SOCS5: variants seen among roughly 807,000 people sequenced by gnomAD.
The protein encoded by SOCS5 is suppressor of cytokine signaling 5.
SOCS5 carries 32 observed loss-of-function variants against 42.8 expected under a neutral mutation model. That is an observed-to-expected ratio of 0.75 (90% CI 0.56 to 1.01). The LOEUF (loss-of-function observed/expected upper bound fraction) is 1.01, where lower values mean the gene tolerates loss of function less well. SOCS5 is among the 50% of genes least tolerant of loss of function. SOCS5 has a pLI of 0.00. For missense variants in SOCS5, 627 were observed against 653.0 expected, an observed-to-expected ratio of 0.96 and a Z score of 0.43; for synonymous variants, 283 against 229.6, an observed-to-expected ratio of 1.23 and a Z score of -2.10.
intron 1 of SOCS5, among the ~76,000 whole-genome samples, chr2:46,737,564 T>G (rs1399847669): frequency 1.3e-5 from 2 of 152,204 alleles, no homozygotes; most frequent in African/African-American, 4.8e-5. Flanking sequence ...AATTCTGATT[T>G]GGGGTCTGTA....
chr2:46,719,488 A>G (rs915633823), intron 1 of SOCS5, among the ~76,000 whole-genome samples: 10 of 152,160 alleles, frequency 6.6e-5, no homozygotes, highest in African/African-American at 2.2e-4. Flanking sequence ...CTGGTTTTAA[A>G]GAAGTTTTGA....
chr2:46,699,018 C>G (rs1321622193), upstream of SOCS5: 1 of 152,550 alleles, frequency 6.6e-6, no homozygotes, highest in African/African-American at 2.4e-5. The surrounding 1 kb of genome is among the most constrained non-coding windows in gnomAD (Gnocchi z 4.8). Flanking sequence ...CCCCGTCTCG[C>G]GCCCTGCCTC....
intron 1 of SOCS5, among the ~76,000 whole-genome samples, chr2:46,740,600 GGAA>G (rs1385137181): frequency 1.3e-5 from 2 of 152,166 alleles, no homozygotes; most frequent in Non-Finnish European, 1.5e-5. Flanking sequence ...GCACCTGTGA[GGAA>G]GAAGAAGAAT....
rs1194088064 is a variant in SOCS5 at position 46,760,082 on chromosome 2, C to G, written c.1552C>G (p.His518Asp). 4 of 1,613,802 alleles carry G rather than the reference C, an allele frequency of 2.5e-6. No individual in the cohort carries two copies. The highest frequency in any genetic ancestry group is 3.4e-6 in the Non-Finnish European group (4 of 1,179,856). The change falls in exon 2 of 2, where the codon CAT (histidine) becomes GAT (aspartate). Residue 518 changes from histidine to aspartate, a missense_variant. Transcript: ENST00000394861. ...GTTACAGGATTTTTTAAAAGAGTAT[C>G]ATTATAAACAAAAAGTTAGAGTTCG... ...SMLQDFLKEY[H>D]YKQKVRVRWL...
At chr2:46,742,968 T>C (rs1412181993) in intron 1 of SOCS5, among the ~76,000 whole-genome samples, 2 of 152,226 alleles carry the variant, frequency 1.3e-5, no homozygotes, top group Middle Eastern at 3.4e-3. Flanking sequence ...CTGGCCTGTT[T>C]ACTACTTTTT....
chr2:46,706,923 G>A (rs941510619), intron 1 of SOCS5, among the ~76,000 whole-genome samples: 1 of 152,200 alleles, frequency 6.6e-6, no homozygotes, highest in Non-Finnish European at 1.5e-5. Flanking sequence ...ACCAACGGCA[G>A]CATTTGATTT....
chr2:46,714,608 A>T (rs1342107117), intron 1 of SOCS5, among the ~76,000 whole-genome samples: 1 of 152,154 alleles, frequency 6.6e-6, no homozygotes, highest in African/African-American at 2.4e-5. Flanking sequence ...TGATGTGTTT[A>T]GATCAGGGTT....
At chr2:46,703,729 A>AT (rs1307808957) in intron 1 of SOCS5, among the ~76,000 whole-genome samples, 20 of 152,306 alleles carry the variant, frequency 1.3e-4, no homozygotes, top group African/African-American at 4.6e-4. Context: ...GACTGTACAA[A>AT]TTACTTTCTT....
At chr2:46,721,461 A>G (rs191262585) in intron 1 of SOCS5, among the ~76,000 whole-genome samples, 1 of 152,232 alleles carries the variant, frequency 6.6e-6, no homozygotes, top group African/African-American at 2.4e-5. Context: ...ACATTTTAGC[A>G]TAATGGAAAA....
rs1430806742 is a variant in SOCS5 at position 46,761,605 on chromosome 2, TCTC to T, written c.*1467_*1469del. Reference sequence around the variant, plus strand: ...TGTGCTAATAAAGTATGTTTGGTGTTCTCCTTGTATATCTGCTGTTTTATACAT... The same window carrying T: ...TGTGCTAATAAAGTATGTTTGGTGTTCTTGTATATCTGCTGTTTTATACAT... On this transcript the variant is annotated 3_prime_UTR_variant, in exon 2 of 2. Transcript: ENST00000394861. The T allele has an allele frequency of 6.0e-6, 1 of 167,018 alleles. No homozygotes were observed. Among genetic ancestry groups the T allele is most frequent in the Non-Finnish European group, 1.5e-5 (1 of 68,100 alleles). 10.3% of individuals were successfully genotyped at this position (167,018 alleles called of 1,614,324 possible).
intron 1 of SOCS5, among the ~76,000 whole-genome samples, chr2:46,721,464 A>G (rs1672883270): frequency 6.6e-6 from 1 of 152,224 alleles, no homozygotes; most frequent in East Asian, 1.9e-4. Context: ...TTTTAGCATA[A>G]TGGAAAACAT....
chr2:46,715,713 T>C (rs1672723216), intron 1 of SOCS5, among the ~76,000 whole-genome samples: 1 of 152,234 alleles, frequency 6.6e-6, no homozygotes, highest in African/African-American at 2.4e-5. Flanking sequence ...TTTTTTTCCT[T>C]TGGCTGCTTT....
At chr2:46,741,722 C>T (rs1356868946) in intron 1 of SOCS5, among the ~76,000 whole-genome samples, 2 of 152,070 alleles carry the variant, frequency 1.3e-5, no homozygotes, top group Non-Finnish European at 1.5e-5. Flanking sequence ...GCCCCAGAAA[C>T]ATGGTTTTTT....
chr2:46,708,880 CTTTTTTTTTTTTTT>C (rs145238668), intron 1 of SOCS5, among the ~76,000 whole-genome samples: 1 of 63,252 alleles, frequency 1.6e-5, no homozygotes, highest in South Asian at 6.6e-4. Context: ...ATCCTGAAGC[CTTTTTTTTTTTTTT>C]TTTTTTTTTT....
chr2:46,731,319 A>G (rs948731362), intron 1 of SOCS5, among the ~76,000 whole-genome samples: 3 of 152,222 alleles, frequency 2.0e-5, no homozygotes, highest in African/African-American at 7.2e-5. Flanking sequence ...CAGTGAGAAG[A>G]TGGCCATCTC....
chr2:46,707,782 A>G (rs1672530321), intron 1 of SOCS5, among the ~76,000 whole-genome samples: 1 of 152,188 alleles, frequency 6.6e-6, no homozygotes, highest in Non-Finnish European at 1.5e-5. Context: ...CTCGACTTAC[A>G]ATGGGGTTAG....
chr2:46,759,508 G>A lies in SOCS5; in HGVS notation c.978G>A (p.Glu326=), dbSNP rs760247795. ...CACAAGCTAATTGTGACTCGGAAGA[G>A]GATACAACCACCCTGTGTTTGCAGT... The part of the protein sequence containing the change: ...AIPQANCDSE[E]DTTTLCLQSR... The change falls in exon 2 of 2, where the codon GAG becomes GAA. Residue 326 remains glutamate (E), a synonymous_variant. Transcript: ENST00000394861. 1.2e-5 allele frequency: 20 copies of A among 1,613,876 alleles called. No homozygotes were observed. The highest frequency in any genetic ancestry group is 5.0e-5 in the Admixed American group (3 of 60,002).
intron 1 of SOCS5, among the ~76,000 whole-genome samples, chr2:46,707,082 G>T (rs1482081961): frequency 6.6e-6 from 1 of 152,136 alleles, no homozygotes; most frequent in African/African-American, 2.4e-5. Flanking sequence ...AAATTTAGGT[G>T]GCAGGACTAG....
intron 1 of SOCS5, among the ~76,000 whole-genome samples, chr2:46,700,134 A>G (rs1427714317): frequency 6.6e-6 from 1 of 151,996 alleles, no homozygotes; most frequent in African/African-American, 2.4e-5. Context: ...ATTTTTGTGG[A>G]GAGGGAATTG....
Sources: gnomAD v4.1 joint callset for allele counts (sites outside exome capture counted in the v4.1 genomes callset) on GRCh38, gnomAD v4.1.1 for gene constraint, Gnocchi (gnomAD v3.1) non-coding constraint, MANE v1.5 for transcripts, NCBI Gene and HGNC (gene_info 2026-07-23, HGNC 2026-07-21) for gene names.